The following PROM1 variants were observed in gnomAD, a reference collection of about 807,000 sequenced individuals.
PROM1 encodes the protein prominin-1.
Under a neutral mutation model 116.9 loss-of-function variants are expected in PROM1, and 105 were observed. The ratio of observed to expected loss-of-function variants is 0.90; its 90% CI spans 0.77 to 1.06. The LOEUF is 1.06. PROM1 is among the 50% of genes least tolerant of loss of function. PROM1 has a pLI of 0.00. For missense variants in PROM1, 1,122 were observed against 1,045.2 expected (o/e 1.07, Z -1.01); for synonymous variants, 393 against 387.0 (o/e 1.02, Z -0.18).
intron 1 of PROM1, 147 bp downstream of exon 1, chr4:16,083,831 G>C (rs1318579369): frequency 6.6e-6 from 1 of 152,244 alleles, no homozygotes; most frequent in Non-Finnish European, 1.5e-5. Context: ...AGGGGCTCAG[G>C]CGGCGCTGCG....
At chr4:15,974,847 T>C (rs1715695025) in intron 26 of PROM1, among the ~76,000 whole-genome samples, 1 of 152,184 alleles carries the variant, frequency 6.6e-6, no homozygotes, top group African/African-American at 2.4e-5. Flanking sequence ...TGTCCTGAAA[T>C]GCAGGCAACA....
chr4:16,067,442 G>T (rs35041755), intron 2 of PROM1, among the ~76,000 whole-genome samples: 23,229 of 152,216 alleles, frequency 0.15, 2,242 homozygotes, highest in East Asian at 0.25. Flanking sequence ...TGTAAAATGA[G>T]ATAACAGCAG....
rs1001085781 is a variant in PROM1, at chr4:16,035,854, A to G, written c.277-93T>C. The stretch of plus-strand genomic sequence containing the variant: ...AGTTATGAGTGATCAACCATAACCA[A>G]GAACATTCATATCCCACAAGGAGGA... On this transcript the variant is annotated intron_variant, in intron 3 of 27. Transcript: ENST00000447510. 7 of 1,164,850 alleles carry G rather than the reference A, an allele frequency of 6.0e-6. No individual in the cohort carries two copies. The African/African-American group carries it at 9.0e-5, about 15-fold the overall frequency. 72.2% of individuals were successfully genotyped at this position (1,164,850 alleles called of 1,614,324 possible).
intron 13 of PROM1, among the ~76,000 whole-genome samples, chr4:16,001,979 C>T (rs764631940): frequency 1.3e-5 from 2 of 152,086 alleles, no homozygotes; most frequent in African/African-American, 4.8e-5. Context: ...ATATAGCTGG[C>T]GGGATCAACC....
At chr4:16,012,130 G>A (rs557522635) in intron 11 of PROM1, among the ~76,000 whole-genome samples, 54 of 152,190 alleles carry the variant, frequency 3.5e-4, no homozygotes, top group Non-Finnish European at 6.3e-4. Context: ...CCGAGTAGCT[G>A]GGGTTACAGG....
At chr4:16,061,790 T>C in intron 2 of PROM1, among the ~76,000 whole-genome samples, 1 of 152,102 alleles carries the variant, frequency 6.6e-6, no homozygotes, top group Non-Finnish European at 1.5e-5. Context: ...TAAAGAAGGA[T>C]CTGTTAGAGA....
At chr4:16,004,478 G>T (rs1277490874) in intron 13 of PROM1, among the ~76,000 whole-genome samples, 1 of 151,744 alleles carries the variant, frequency 6.6e-6, no homozygotes, top group Non-Finnish European at 1.5e-5. Context: ...TTTCGATGAG[G>T]GGTGCACCAT....
intron 2 of PROM1, among the ~76,000 whole-genome samples, chr4:16,050,806 C>T (rs951751680): frequency 2.0e-5 from 3 of 152,210 alleles, no homozygotes; most frequent in Admixed American, 6.5e-5. Flanking sequence ...TACACATTTT[C>T]CATGAACGTT....
chr4:16,031,079 G>A (rs927277869), intron 5 of PROM1, among the ~76,000 whole-genome samples: 11 of 152,026 alleles, frequency 7.2e-5, no homozygotes, highest in Admixed American at 3.9e-4. Context: ...ATTGGAAACC[G>A]ATTATTACAC....
intron 23 of PROM1, among the ~76,000 whole-genome samples, chr4:15,982,195 C>A (rs1160083914): frequency 1.3e-5 from 2 of 152,192 alleles, no homozygotes; most frequent in Non-Finnish European, 2.9e-5. Context: ...GTCAGTAACA[C>A]TAGAACGACT....
chr4:15,997,282 C>T (rs1253777054), intron 15 of PROM1, among the ~76,000 whole-genome samples: 1 of 137,546 alleles, frequency 7.3e-6, no homozygotes, highest in African/African-American at 2.7e-5. Flanking sequence ...TTCGTTCATT[C>T]ATATATATAT....
At chr4:15,981,708 G>A (rs1333556247) in intron 23 of PROM1, among the ~76,000 whole-genome samples, 2 of 152,172 alleles carry the variant, frequency 1.3e-5, no homozygotes, top group Non-Finnish European at 2.9e-5. Flanking sequence ...CTGCATGCTA[G>A]GGTCTCAATC....
intron 4 of PROM1, among the ~76,000 whole-genome samples, chr4:16,034,597 G>A (rs143508507): frequency 1.1e-3 from 160 of 152,182 alleles, no homozygotes; most frequent in Middle Eastern, 3.4e-3. Context: ...CGGGATAAAC[G>A]AAAATTAATG....
intron 2 of PROM1, among the ~76,000 whole-genome samples, chr4:16,040,035 C>A (rs964974470): frequency 6.6e-6 from 1 of 152,148 alleles, no homozygotes; most frequent in Non-Finnish European, 1.5e-5. Flanking sequence ...GCCACCTGTA[C>A]ACTCTCTCTC....
chr4:15,970,439 C>T (rs1164071961), intron 27 of PROM1, among the ~76,000 whole-genome samples: 12 of 151,990 alleles, frequency 7.9e-5, no homozygotes, highest in African/African-American at 2.9e-4. Context: ...TCCCATAGTG[C>T]TGGGATTACA....
At chr4:15,980,594 G>T in intron 23 of PROM1, 57 bp from the exon 24 acceptor site, 76 of 959,806 alleles carry the variant, frequency 7.9e-5, no homozygotes, top group Non-Finnish European at 9.7e-5. Context: ...GGGAAAAACA[G>T]TTGTTTGGGG....
rs1180453751 is a variant in PROM1, at chr4:16,018,489, C to G, written c.836G>C (p.Ser279Thr). ...AAGCTGTGTACTTTGTTGGTGCAAG[C>G]TCTTCAAGGTGCTGTTCATGTTCTC... The part of the protein sequence containing the change: ...ALENMNSTLK[S>T]LHQQSTQLSS... The change falls in exon 9 of 28, where the codon AGC becomes ACC. Residue 279 changes from serine (S) to threonine (T), a missense_variant. Transcript: ENST00000447510. 6.2e-7 allele frequency: 1 copy of G among 1,612,840 alleles called. No individual in the cohort carries two copies. Among genetic ancestry groups the G allele is most frequent in the South Asian group, 1.1e-5 (1 of 90,954 alleles).
chr4:16,041,784 A>AT (rs1491421732), intron 2 of PROM1, among the ~76,000 whole-genome samples: 42 of 19,286 alleles, frequency 2.2e-3, no homozygotes, highest in Non-Finnish European at 3.7e-3. Flanking sequence ...ATAAATAAAT[A>AT]AATATATATA....
chr4:16,020,946 A>G (rs111317644), intron 8 of PROM1, among the ~76,000 whole-genome samples: 2 of 152,124 alleles, frequency 1.3e-5, no homozygotes, highest in Non-Finnish European at 2.9e-5. Flanking sequence ...AAGGTTCTTA[A>G]TTTTACTTAA....
Sources: allele counts gnomAD v4.1 joint callset (sites outside exome capture counted in the v4.1 genomes callset), GRCh38; gene constraint gnomAD v4.1.1; transcripts MANE v1.5; gene names NCBI Gene and HGNC (gene_info 2026-07-23, HGNC 2026-07-21).